TMC8: variants seen among roughly 807,000 people sequenced by gnomAD.
TMC8 encodes transmembrane channel-like protein 8.
TMC8 carries 71 observed loss-of-function variants against 76.0 expected under a neutral mutation model. The ratio of observed to expected loss-of-function variants is 0.93; its 90% CI spans 0.77 to 1.14. The LOEUF (loss-of-function observed/expected upper bound fraction) is 1.14, where lower values mean the gene tolerates loss of function less well. TMC8 is among the 50% of genes most tolerant of loss of function. The pLI, the probability that TMC8 is intolerant of heterozygous loss-of-function variation, is 0.00. For synonymous variants in TMC8, 433 were observed against 433.8 expected, an observed-to-expected ratio of 1.00 and a Z score of 0.02; for missense variants, 924 against 947.9, an observed-to-expected ratio of 0.97 and a Z score of 0.33.
In TMC8 at chr17:78,132,466, G is replaced by A. The variant is rs140601157; in HGVS notation, c.406G>A (p.Val136Ile). The change falls in exon 4 of 16, where the codon GTC becomes ATC. Residue 136 changes from valine to isoleucine, a missense_variant. Val to Ile is a conservative substitution (Grantham distance 29, BLOSUM62 3). Transcript: ENST00000318430. ...LTASFVLLPL[V>I]WLRPPDPGPT... ...CGCAAGCTTCGTGCTGCTGCCCCTG[G>A]TCTGGCTCCGCCCCCCTGACCCAGG... is the stretch of plus-strand genomic sequence containing the variant. 1.2e-6 allele frequency: 2 copies of A among 1,611,972 alleles called. No homozygotes were observed. The highest frequency in any genetic ancestry group is 2.7e-5 in the African/African-American group (2 of 74,908).
In TMC8 at chr17:78,131,509, C is replaced by T. The variant is rs2074963874; in HGVS notation, c.-80C>T. 6.6e-7 allele frequency: 1 copy of T among 1,523,692 alleles called. No individual in the cohort carries two copies. The highest frequency in any genetic ancestry group is 1.4e-5 in the African/African-American group (1 of 72,736). The allele number at this position is 1,523,692 out of a possible 1,614,324, so 94.4% of individuals were successfully genotyped here. On this transcript the variant is annotated 5_prime_UTR_variant, in exon 2 of 16. Coordinates refer to ENST00000318430, the MANE Select transcript of TMC8 (RefSeq NM_152468.5). ...GCGTGCACAGAGGCCATAGCCAAGGCCTTAAGGCTCATCCAACCGGGGACT... is the reference window on the plus strand; with the variant it reads ...GCGTGCACAGAGGCCATAGCCAAGGTCTTAAGGCTCATCCAACCGGGGACT...
At position 78,131,707 on chromosome 17, in the gene TMC8, C is replaced by T; in HGVS notation, c.119C>T (p.Pro40Leu). 1 of 1,583,540 alleles carries T rather than the reference C, an allele frequency of 6.3e-7. No homozygotes were observed. The highest frequency in any genetic ancestry group is 8.6e-7 in the Non-Finnish European group (1 of 1,166,840). ...RGSGTPVRGLPYAMMDKRLIW... is the reference protein window; with the variant it reads ...RGSGTPVRGLLYAMMDKRLIW... ...TCTGGGACGCCCGTGCGCGGGCTGC[C>T]CTATGCCATGATGGACAAGCGCCTC... The change falls in exon 2 of 16, where the codon CCC (proline) becomes CTC (leucine). Residue 40 changes from proline to leucine, a missense_variant. Pro to Leu is a moderately conservative substitution (Grantham distance 98, BLOSUM62 -3). Transcript: ENST00000318430.
intron 10 of TMC8, 81 bp downstream of exon 10, chr17:78,137,439 C>G: frequency 1.2e-6 from 2 of 1,606,948 alleles, no homozygotes; most frequent in Non-Finnish European, 1.7e-6. Context: ...AGCCCTGTTC[C>G]TGCCCCTTTA....
Position 78,132,347 on chromosome 17 carries a change from C to A in TMC8, c.299-12C>A. 1 of 1,612,646 alleles carries A rather than the reference C, an allele frequency of 6.2e-7. No individual in the cohort carries two copies. Among genetic ancestry groups the A allele is most frequent in the Non-Finnish European group, 8.5e-7 (1 of 1,179,674 alleles). The stretch of plus-strand genomic sequence containing the variant: ...CCCGGCCTCCCTGACCCACCCTGCT[C>A]TCCCACTGCAGGCCTCTTCGGCACA... On this transcript the variant is annotated splice_polypyrimidine_tract_variant and intron_variant, in intron 3 of 15. Transcript: ENST00000318430.
chr17:78,138,986 G>A (rs763477001), intron 14 of TMC8, 176 bp from the exon 15 acceptor site: 258 of 1,547,300 alleles, frequency 1.7e-4, no homozygotes, highest in Non-Finnish European at 2.0e-4. Flanking sequence ...CCAGAGGGGA[G>A]GGGATGAGGG....
intron 15 of TMC8, among the ~76,000 whole-genome samples, chr17:78,140,401 G>A (rs1243913291): frequency 6.6e-6 from 1 of 152,230 alleles, no homozygotes; most frequent in Non-Finnish European, 1.5e-5. Flanking sequence ...CAGTGACCTG[G>A]CTAAGGCGTG....
At chr17:78,136,713 A>T (rs140595197) in intron 9 of TMC8, 124 of 184,786 alleles carry the variant, frequency 6.7e-4, no homozygotes, top group African/African-American at 2.7e-3. Context: ...GCCTCTCCAC[A>T]CCAGGCATGA....
Position 78,134,887 on chromosome 17 carries a change from G to A in TMC8, c.1005G>A (p.Leu335=), listed in dbSNP as rs769880281. ...QDNKEESLFL[L]LQYLPPGVIA... The stretch of plus-strand genomic sequence containing the variant: ...TCCCGCAGGAGTCCCTGTTTCTGCT[G>A]CTCCAGTACCTGCCCCCTGGGGTCA... The change falls in exon 9 of 16, where the codon CTG becomes CTA. Residue 335 remains leucine (L), a synonymous_variant. Coordinates refer to ENST00000318430, the MANE Select transcript of TMC8 (RefSeq NM_152468.5). 1 of 1,614,048 alleles carries A rather than the reference G, an allele frequency of 6.2e-7. No homozygotes were observed. Among genetic ancestry groups the A allele is most frequent in the Non-Finnish European group, 8.5e-7 (1 of 1,180,006 alleles).
In TMC8 at chr17:78,133,880, T is replaced by C; in HGVS notation, c.696T>C (p.Thr232=). Residue 232 remains threonine, a synonymous_variant, in exon 7 of 16, where the codon ACT becomes ACC. Transcript: ENST00000318430. The part of the protein sequence containing the change: ...RRMVKGLPQK[T]LLGQGYQAPL... ...TGGTGAAGGGGCTGCCGCAGAAGAC[T>C]CTGCTGGGTCAGGGCTATCAGGCGC... 6.2e-7 allele frequency: 1 copy of C among 1,613,360 alleles called. No homozygotes were observed. The highest frequency in any genetic ancestry group is 8.5e-7 in the Non-Finnish European group (1 of 1,180,026).
chr17:78,135,875 G>A (rs2075213603), intron 9 of TMC8, among the ~76,000 whole-genome samples: 2 of 152,084 alleles, frequency 1.3e-5, no homozygotes, highest in South Asian at 4.1e-4. Flanking sequence ...CCAACATGGT[G>A]AAACCCTGTC....
rs767535431 is a variant in TMC8, at chr17:78,134,412, C to T, written c.835C>T (p.Arg279Cys). 3.7e-6 allele frequency: 6 copies of T among 1,612,214 alleles called. No homozygotes were observed. Among genetic ancestry groups the T allele is most frequent in the Non-Finnish European group, 5.1e-6 (6 of 1,180,022 alleles). The change falls in exon 8 of 16, where the codon CGT becomes TGT. Residue 279 changes from arginine (R) to cysteine (C), a missense_variant. Physicochemically the swap from Arg to Cys is radical, Grantham distance 180. Transcript: ENST00000318430. ...CGGGCAGGTGGAGCTGGAGGAGGGC[C>T]GTCGCTTCCAGCTGATGCAGCAGCA... ...NEFKVELEEG[R>C]RFQLMQQQTR...
At chr17:78,134,211 G>A (rs1451342616) in intron 7 of TMC8, among the ~76,000 whole-genome samples, 183 bp from the exon 8 acceptor site, 3 of 152,256 alleles carry the variant, frequency 2.0e-5, no homozygotes, top group Admixed American at 2.0e-4. Context: ...GACTGAATGG[G>A]TGATGGCGAG....
chr17:78,140,206 C>G (rs1005260050), intron 15 of TMC8, among the ~76,000 whole-genome samples: 1 of 152,056 alleles, frequency 6.6e-6, no homozygotes, highest in Admixed American at 6.6e-5. Context: ...TGCCTGTGGT[C>G]ACAGCTATTC....
intron 11 of TMC8, 54 bp from the exon 12 acceptor site, chr17:78,137,951 C>T (rs2075277040): frequency 1.2e-6 from 2 of 1,609,386 alleles, no homozygotes; most frequent in Non-Finnish European, 1.7e-6. Flanking sequence ...ATGACCAATA[C>T]AGCCCACGCA....
At position 78,131,355 on chromosome 17, in the gene TMC8, A is replaced by C; in HGVS notation, c.-234A>C. 1 of 614,236 alleles carries C rather than the reference A, an allele frequency of 1.6e-6. No homozygotes were observed. The highest frequency in any genetic ancestry group is 2.8e-6 in the Non-Finnish European group (1 of 350,888). 38.0% of individuals were successfully genotyped at this position (614,236 alleles called of 1,614,324 possible). A position where few individuals can be genotyped will look rare whatever the true frequency, so the allele number is the denominator to read the frequency against. ...GGCTGGGCCCGAATTCGACCGCAGC[A>C]GGATTCTCTCTCATTTCTGAGCCCC... On this transcript the variant is annotated 5_prime_UTR_variant, in exon 2 of 16. Coordinates refer to ENST00000318430, the MANE Select transcript of TMC8 (RefSeq NM_152468.5).
At position 78,131,481 on chromosome 17, in the gene TMC8, C is replaced by A; in HGVS notation, c.-108C>A. On this transcript the variant is annotated 5_prime_UTR_variant, in exon 2 of 16. Transcript: ENST00000318430. ...GGGGACGGAAGGGCCCGCCCCCAGC[C>A]CAGCGTGCACAGAGGCCATAGCCAA... 6.8e-7 allele frequency: 1 copy of A among 1,467,538 alleles called. No individual in the cohort carries two copies. Among genetic ancestry groups the A allele is most frequent in the Non-Finnish European group, 9.2e-7 (1 of 1,087,572 alleles). 90.9% of individuals were successfully genotyped at this position (1,467,538 alleles called of 1,614,324 possible). A position where few individuals can be genotyped will look rare whatever the true frequency, so the allele number is the denominator to read the frequency against.
chr17:78,132,333 T>C (rs2075030542), intron 3 of TMC8, 26 bp from the exon 4 acceptor site: 1 of 1,610,008 alleles, frequency 6.2e-7, no homozygotes, highest in East Asian at 2.2e-5. Context: ...CCGGCCTCCC[T>C]GACCCACCCT....
At position 78,138,039 on chromosome 17, in the gene TMC8, G is replaced by C. The variant is rs923305213; in HGVS notation, c.1384G>C (p.Ala462Pro). Residue 462 changes from alanine (A) to proline (P), a missense_variant, in exon 12 of 16, where the codon GCC becomes CCC. Ala to Pro is a conservative substitution (Grantham distance 27). Coordinates refer to ENST00000318430, the MANE Select transcript of TMC8 (RefSeq NM_152468.5). The stretch of plus-strand genomic sequence containing the variant: ...GGACCGGTTCTCAGGCCGGTTCTGG[G>C]CCTGGCTGGAACGGGAGGAGTTCCT... Reference protein sequence around the residue: ...LVDRFSGRFWAWLEREEFLVP... With the variant: ...LVDRFSGRFWPWLEREEFLVP... The C allele has an allele frequency of 6.2e-7, 1 of 1,613,902 alleles. No homozygotes were observed. The highest frequency in any genetic ancestry group is 1.3e-5 in the African/African-American group (1 of 74,902).
At chr17:78,137,672 G>C in intron 10 of TMC8, 45 bp from the exon 11 acceptor site, 1 of 1,545,252 alleles carries the variant, frequency 6.5e-7, no homozygotes, top group Middle Eastern at 1.7e-4. Context: ...AGGAAGGGCC[G>C]GGGTGGCCGT....
Sources: gnomAD v4.1 joint callset for allele counts (sites outside exome capture counted in the v4.1 genomes callset) on GRCh38, gnomAD v4.1.1 for gene constraint, MANE v1.5 for transcripts, NCBI Gene and HGNC (gene_info 2026-07-23, HGNC 2026-07-21) for gene names.